ZEB2: variants seen among roughly 807,000 people sequenced by gnomAD.
The protein encoded by ZEB2 is zinc finger E-box binding homeobox 2, also known as zinc finger E-box-binding homeobox 2.
Under a neutral mutation model 99.9 loss-of-function variants are expected in ZEB2, and 6 were observed. The ratio of observed to expected loss-of-function variants is 0.06; its 90% CI spans 0.03 to 0.12. The LOEUF (loss-of-function observed/expected upper bound fraction) is 0.12. Among genes scored for constraint, ZEB2 ranks in the 10% least tolerant of loss-of-function variants. The pLI is 1.00. For synonymous variants in ZEB2, 517 were observed against 542.5 expected (o/e 0.95, Z 0.65); for missense variants, 969 against 1,502.8 (o/e 0.64, Z 5.87).
chr2:144,484,271 G>A (rs1395947319), intron 2 of ZEB2, among the ~76,000 whole-genome samples: 5 of 151,550 alleles, frequency 3.3e-5, no homozygotes, highest in African/African-American at 9.7e-5. Flanking sequence ...AATACTGTGT[G>A]GGACAAATCA....
rs140204318 is a variant in ZEB2, at chr2:144,512,854, T to C, written c.73+4424A>G. 1.2e-4 allele frequency: 149 copies of C among 1,287,184 alleles called. 2 individuals carry two copies. In the African/African-American group the frequency reaches 2.1e-3, roughly 18 times the overall value. 79.7% of individuals were successfully genotyped at this position (1,287,184 alleles called of 1,614,324 possible). Reference sequence around the variant, plus strand: ...CTCCACAGAGAAAAAAGGATGGAGATGGATATCTTTGGAGCGCCCTCAGAA... The same window carrying C: ...CTCCACAGAGAAAAAAGGATGGAGACGGATATCTTTGGAGCGCCCTCAGAA... On this transcript the variant is annotated intron_variant, in intron 2 of 9. Coordinates refer to ENST00000627532, the MANE Select transcript of ZEB2 (RefSeq NM_014795.4).
intron 9 of ZEB2, among the ~76,000 whole-genome samples, chr2:144,394,116 T>C (rs1703188879): frequency 6.6e-6 from 1 of 152,152 alleles, no homozygotes; most frequent in Non-Finnish European, 1.5e-5. Flanking sequence ...AGACGGGGTT[T>C]CTCCATGTTG....
At chr2:144,441,697 G>A (rs1387644969) in intron 2 of ZEB2, among the ~76,000 whole-genome samples, 1 of 152,014 alleles carries the variant, frequency 6.6e-6, no homozygotes, top group African/African-American at 2.4e-5. Flanking sequence ...TCCTTCCTAA[G>A]TGTTTTAGAC....
chr2:144,501,964 C>T (rs944321088), intron 2 of ZEB2, among the ~76,000 whole-genome samples: 1 of 152,164 alleles, frequency 6.6e-6, no homozygotes, highest in Non-Finnish European at 1.5e-5. Context: ...CTAGCCACCC[C>T]GACCTGTATC....
At chr2:144,483,165 T>TGCACACAC (rs1704543319) in intron 2 of ZEB2, among the ~76,000 whole-genome samples, 1 of 69,602 alleles carries the variant, frequency 1.4e-5, no homozygotes, top group African/African-American at 6.2e-5. Flanking sequence ...CACACACACA[T>TGCACACAC]ACCCTAAGAC....
rs571397283 is a variant in ZEB2, at chr2:144,517,028, G to A, written c.73+250C>T. ...GGGGCAGCGGGGCTGGGGGCGCGGGGCCCCGGCCGGACCCCCGCGCTCGGA... is the reference window on the plus strand; with the variant it reads ...GGGGCAGCGGGGCTGGGGGCGCGGGACCCCGGCCGGACCCCCGCGCTCGGA... On this transcript the variant is annotated intron_variant, in intron 2 of 9. Transcript: ENST00000627532. Among the ~76,000 whole-genome samples the A allele has an allele frequency of 2.0e-5, 3 of 149,674 alleles. No individual in the cohort carries two copies. The South Asian group carries it at 6.2e-4, about 31-fold the overall frequency.
intron 2 of ZEB2, among the ~76,000 whole-genome samples, chr2:144,505,279 T>C (rs948777334): frequency 2.6e-5 from 4 of 151,730 alleles, no homozygotes; most frequent in African/African-American, 9.7e-5. Context: ...TTGCACAATG[T>C]AATAGCTTGA....
At chr2:144,500,644 T>C (rs920299221) in intron 2 of ZEB2, among the ~76,000 whole-genome samples, 8 of 152,168 alleles carry the variant, frequency 5.3e-5, no homozygotes, top group Admixed American at 2.0e-4. Context: ...GCTGATGAAA[T>C]GATAATCAAA....
chr2:144,434,813 A>C (rs1428503829), intron 2 of ZEB2, among the ~76,000 whole-genome samples: 1 of 152,188 alleles, frequency 6.6e-6, no homozygotes, highest in Non-Finnish European at 1.5e-5. Context: ...AGAGATAAAG[A>C]GGCAGTTCAC....
Position 144,517,311 on chromosome 2 carries a change from T to C in ZEB2, c.40A>G (p.Arg14Gly), listed in dbSNP as rs1705171801. Reference protein sequence around the residue: ...PIMADGPRCKRRKQANPRRKN... With the variant: ...PIMADGPRCKGRKQANPRRKN... ...CTCCTGGGATTGGCTTGTTTGCGCC[T>C]CTTGCACCGGGGGCCATCCGCCATG... Residue 14 changes from arginine (R) to glycine (G), a missense_variant, in exon 2 of 10, where the codon AGG (arginine) becomes GGG (glycine). Arg to Gly is a moderately radical substitution (Grantham distance 125, BLOSUM62 -2). Around this residue, in one of 8 missense-constraint regions of ZEB2, gnomAD observed 173 missense variants for 217.7 expected, o/e 0.79. Transcript: ENST00000627532. The C allele has an allele frequency of 6.2e-7, 1 of 1,613,440 alleles. No homozygotes were observed. The highest frequency in any genetic ancestry group is 8.5e-7 in the Non-Finnish European group (1 of 1,179,862).
chr2:144,468,486 T>A (rs1704304147), intron 2 of ZEB2, among the ~76,000 whole-genome samples: 1 of 152,118 alleles, frequency 6.6e-6, no homozygotes, highest in Non-Finnish European at 1.5e-5. Flanking sequence ...AAAACTGAGG[T>A]CTCATGATAG....
At chr2:144,445,660 C>T (rs765030344) in intron 2 of ZEB2, among the ~76,000 whole-genome samples, 8 of 150,762 alleles carry the variant, frequency 5.3e-5, no homozygotes, top group Non-Finnish European at 1.0e-4. Context: ...CTAACTGAGA[C>T]GCAACAATAC....
At chr2:144,516,490 C>T (rs1023539842) in intron 2 of ZEB2, 4 of 147,308 alleles carry the variant, frequency 2.7e-5, no homozygotes, top group African/African-American at 1.0e-4. Flanking sequence ...GAACCCCCAT[C>T]TCCTTTCTCC....
chr2:144,421,253 T>A (rs141552439), intron 4 of ZEB2, among the ~76,000 whole-genome samples: 139 of 152,246 alleles, frequency 9.1e-4, no homozygotes, highest in African/African-American at 3.2e-3. Flanking sequence ...CACAGGCTCA[T>A]TGGAGGGAGA....
At chr2:144,411,665 T>C (rs908075934) in intron 4 of ZEB2, among the ~76,000 whole-genome samples, 3 of 152,218 alleles carry the variant, frequency 2.0e-5, no homozygotes, top group African/African-American at 7.2e-5. Flanking sequence ...AAAAGTTTTC[T>C]GCTCTTCCTG....
At chr2:144,460,890 G>A (rs1416219699) in intron 2 of ZEB2, among the ~76,000 whole-genome samples, 2 of 151,962 alleles carry the variant, frequency 1.3e-5, no homozygotes, top group Non-Finnish European at 2.9e-5. Context: ...AAAGTCATCG[G>A]CATCAAGAAC....
intron 2 of ZEB2, among the ~76,000 whole-genome samples, chr2:144,448,360 G>T (rs1292327916): frequency 1.3e-5 from 2 of 152,172 alleles, no homozygotes; most frequent in Non-Finnish European, 2.9e-5. Context: ...GAGGTAGGCA[G>T]CCGGACTCCA....
At chr2:144,514,331 A>G (rs1705094952) in intron 2 of ZEB2, 5 of 152,368 alleles carry the variant, frequency 3.3e-5, no homozygotes. Flanking sequence ...TGTTGACTTC[A>G]TTAAAATTAT....
At chr2:144,513,200 C>T (rs1179425257) in intron 2 of ZEB2, 1 of 1,287,104 alleles carries the variant, frequency 7.8e-7, no homozygotes, top group Non-Finnish European at 1.0e-6. Context: ...TTGCCTCTAA[C>T]CATCACTACC....
Sources: allele counts gnomAD v4.1 joint callset (sites outside exome capture counted in the v4.1 genomes callset), GRCh38; gene constraint gnomAD v4.1.1; regional missense constraint gnomAD v4.1.1; transcripts MANE v1.5; gene names NCBI Gene and HGNC (gene_info 2026-07-23, HGNC 2026-07-21).